MALRD1: variants seen among roughly 807,000 people sequenced by gnomAD.
The protein encoded by MALRD1 is MAM and LDL receptor class A domain containing 1, also known as MAM and LDL-receptor class A domain-containing protein 1.
In MALRD1, 247 loss-of-function variants were observed where a neutral mutation model predicts 242.1. The ratio of observed to expected loss-of-function variants is 1.02; its 90% CI spans 0.92 to 1.13. MALRD1 has a LOEUF of 1.13. Among genes scored for constraint, MALRD1 ranks in the 50% most tolerant of loss-of-function variants. The pLI, the probability that MALRD1 is intolerant of heterozygous loss-of-function variation, is 0.00. For synonymous variants in MALRD1, 995 were observed against 866.6 expected (o/e 1.15, Z -2.60); for missense variants, 2,989 against 2,533.1 (o/e 1.18, Z -3.86).
intron 10 of MALRD1, among the ~76,000 whole-genome samples, chr10:19,138,162 C>CAGAATCCT (rs3043375): frequency 6.6e-6 from 1 of 151,770 alleles, no homozygotes; most frequent in African/African-American, 2.4e-5. Context: ...GTTAATACTT[C>CAGAATCCT]AGCTTTAAAC....
chr10:19,593,572 T>G (rs1837926522), intron 33 of MALRD1, among the ~76,000 whole-genome samples: 1 of 152,198 alleles, frequency 6.6e-6, no homozygotes, highest in Non-Finnish European at 1.5e-5. Flanking sequence ...TTTCCCTTAA[T>G]ATATTGATGA....
In MALRD1 at chr10:19,312,280, T is replaced by C. The variant is rs375577824; in HGVS notation, c.3420-11669T>C. Among the ~76,000 whole-genome samples the C allele has an allele frequency of 1.1e-3, 161 of 151,188 alleles. 1 individual carries two copies. The highest frequency in any genetic ancestry group is 3.7e-3 in the African/African-American group (152 of 41,370). ...ATGTTTATATCCAAGGGTCGGCTTT[T>C]TCTGTATAACACATTACAGTGGATA... On this transcript the variant is annotated intron_variant, in intron 21 of 39. Transcript: ENST00000454679.
At chr10:19,175,806 C>G (rs34724539) in intron 14 of MALRD1, among the ~76,000 whole-genome samples, 31,477 of 151,736 alleles carry the variant, frequency 0.21, 3,607 homozygotes, top group East Asian at 0.32. Flanking sequence ...TTCTGTGTTT[C>G]TATTCAAAAT....
intron 29 of MALRD1, among the ~76,000 whole-genome samples, chr10:19,450,869 T>C (rs1191922901): frequency 6.6e-6 from 1 of 152,144 alleles, no homozygotes; most frequent in Non-Finnish European, 1.5e-5. Flanking sequence ...AGTGGAGCCC[T>C]TATAAAATGA....
At chr10:19,209,946 C>G (rs1384506664) in intron 18 of MALRD1, among the ~76,000 whole-genome samples, 1 of 152,106 alleles carries the variant, frequency 6.6e-6, no homozygotes, top group Non-Finnish European at 1.5e-5. Context: ...CAAGTAATTG[C>G]TTTACTGAAA....
intron 38 of MALRD1, among the ~76,000 whole-genome samples, chr10:19,714,299 G>T (rs560723113): frequency 6.6e-6 from 1 of 152,144 alleles, no homozygotes; most frequent in Non-Finnish European, 1.5e-5. Flanking sequence ...GTTTTCCTCC[G>T]GAGTAGGGCT....
chr10:19,185,394 A>G (rs1835693464), intron 14 of MALRD1, among the ~76,000 whole-genome samples: 1 of 152,078 alleles, frequency 6.6e-6, no homozygotes, highest in Admixed American at 6.5e-5. Flanking sequence ...AATTTCCTAT[A>G]TTCTACTTTT....
At chr10:19,551,030 C>T (rs536749486) in intron 32 of MALRD1, among the ~76,000 whole-genome samples, 1 of 152,136 alleles carries the variant, frequency 6.6e-6, no homozygotes, top group African/African-American at 2.4e-5. Context: ...GATGATATCT[C>T]ATTGTGGTTT....
intron 28 of MALRD1, among the ~76,000 whole-genome samples, chr10:19,440,431 G>C (rs889434948): frequency 6.6e-6 from 1 of 151,796 alleles, no homozygotes. Context: ...TGTCATGTTG[G>C]TGTGCTGCAC....
chr10:19,202,736 G>A (rs529551284), intron 14 of MALRD1, among the ~76,000 whole-genome samples: 1 of 152,202 alleles, frequency 6.6e-6, no homozygotes, highest in Non-Finnish European at 1.5e-5. Context: ...GTTGGTCTGT[G>A]TAGTAACAGC....
At chr10:19,277,502 A>G (rs1458229410) in intron 19 of MALRD1, among the ~76,000 whole-genome samples, 1 of 152,098 alleles carries the variant, frequency 6.6e-6, no homozygotes, top group African/African-American at 2.4e-5. Context: ...GAATCTGAGT[A>G]TGCATGCCTG....
intron 26 of MALRD1, among the ~76,000 whole-genome samples, chr10:19,358,524 T>C (rs1844746147): frequency 1.3e-5 from 2 of 152,198 alleles, no homozygotes; most frequent in African/African-American, 4.8e-5. Flanking sequence ...TAGTGCAAAG[T>C]ACGTGTTACA....
intron 21 of MALRD1, among the ~76,000 whole-genome samples, chr10:19,298,199 C>A (rs1015059353): frequency 1.3e-5 from 2 of 151,888 alleles, no homozygotes; most frequent in Non-Finnish European, 2.9e-5. Context: ...AAGGACCAAG[C>A]CTAAGAGGCT....
At chr10:19,428,062 C>T (rs749165045) in intron 28 of MALRD1, among the ~76,000 whole-genome samples, 7 of 151,246 alleles carry the variant, frequency 4.6e-5, no homozygotes, top group East Asian at 2.0e-4. Flanking sequence ...TCAGCATCAA[C>T]GTTCCCACCT....
chr10:19,470,842 A>G (rs1428408814), intron 29 of MALRD1, among the ~76,000 whole-genome samples: 1 of 151,720 alleles, frequency 6.6e-6, no homozygotes, highest in Admixed American at 6.6e-5. Context: ...TATCAGATAT[A>G]TGATTCACAA....
chr10:19,632,102 C>A (rs928450466), intron 36 of MALRD1, among the ~76,000 whole-genome samples: 28 of 152,080 alleles, frequency 1.8e-4, no homozygotes, highest in African/African-American at 6.3e-4. Context: ...GTTGAAAGAA[C>A]AACACATTGA....
intron 24 of MALRD1, among the ~76,000 whole-genome samples, chr10:19,338,835 G>A (rs1469326466): frequency 1.3e-5 from 2 of 150,642 alleles, no homozygotes; most frequent in Non-Finnish European, 3.0e-5. Flanking sequence ...CAAACAGTAT[G>A]TATTATTAAT....
chr10:19,672,488 A>G (rs1841968680), intron 36 of MALRD1, among the ~76,000 whole-genome samples: 1 of 149,540 alleles, frequency 6.7e-6, no homozygotes, highest in Non-Finnish European at 1.5e-5. Context: ...CAGTGGCAAC[A>G]TCTCAGCTCA....
At chr10:19,241,212 T>TGTC (rs1220024342) in intron 18 of MALRD1, among the ~76,000 whole-genome samples, 22 of 152,066 alleles carry the variant, frequency 1.4e-4, no homozygotes, top group Non-Finnish European at 3.2e-4. Flanking sequence ...TTGTTGTTGT[T>TGTC]GTTTTGATGG....
Sources: gnomAD v4.1 joint callset for allele counts (sites outside exome capture counted in the v4.1 genomes callset) on GRCh38, gnomAD v4.1.1 for gene constraint, MANE v1.5 for transcripts, NCBI Gene and HGNC (gene_info 2026-07-23, HGNC 2026-07-21) for gene names.